The following SESN2 variants were observed in gnomAD, a reference collection of about 807,000 sequenced individuals.
SESN2 encodes sestrin 2, also known as sestrin-2.
A neutral mutation model predicts 56.0 loss-of-function variants in SESN2; 42 were observed. The ratio of observed to expected loss-of-function variants is 0.75; its 90% CI spans 0.59 to 0.97. SESN2 has a LOEUF of 0.97. Among genes scored for constraint, SESN2 ranks in the 50% least tolerant of loss-of-function variants. The pLI, the probability that SESN2 is intolerant of heterozygous loss-of-function variation, is 0.00. For synonymous variants in SESN2, 264 were observed against 267.1 expected, an observed-to-expected ratio of 0.99 and a Z score of 0.11; for missense variants, 507 against 649.4, an observed-to-expected ratio of 0.78 and a Z score of 2.38.
chr1:28,270,332 C>CA (rs1237645927), intron 2 of SESN2, among the ~76,000 whole-genome samples: 1 of 149,138 alleles, frequency 6.7e-6, no homozygotes, highest in Non-Finnish European at 1.5e-5. Flanking sequence ...GCTTGCGTGA[C>CA]AGAGTGAGAC....
chr1:28,278,992 A>T (rs1648141539), intron 8 of SESN2, 105 bp from the exon 9 acceptor site: 2 of 1,144,520 alleles, frequency 1.7e-6, no homozygotes, highest in South Asian at 2.8e-5. Context: ...CTACCTTCTG[A>T]TTTTTCTCAA....
chr1:28,272,074 T>G (rs1647798204), intron 3 of SESN2, among the ~76,000 whole-genome samples: 2 of 152,184 alleles, frequency 1.3e-5, no homozygotes, highest in African/African-American at 4.8e-5. Flanking sequence ...GCATCGTTAG[T>G]GCTTGTGTTA....
chr1:28,270,341 ACTCCG>A (rs1451868087), intron 2 of SESN2, among the ~76,000 whole-genome samples: 1 of 147,202 alleles, frequency 6.8e-6, no homozygotes, highest in African/African-American at 2.5e-5. Flanking sequence ...ACAGAGTGAG[ACTCCG>A]TCTCAAAAAA....
At chr1:28,273,291 G>T in intron 5 of SESN2, 67 bp from the exon 6 acceptor site, 1 of 1,444,810 alleles carries the variant, frequency 6.9e-7, no homozygotes, top group South Asian at 1.4e-5. Context: ...CTCTGGGAAG[G>T]ATGAGTGGAG....
rs570946951 is a variant in SESN2, at chr1:28,272,605, A to G, written c.562A>G (p.Thr188Ala). The G allele has an allele frequency of 1.2e-6, 2 of 1,613,968 alleles. No individual in the cohort carries two copies. The highest frequency in any genetic ancestry group is 1.3e-5 in the African/African-American group (1 of 74,960). ...GGCCTTGCTGAAGACCGGCGAGCACACTTGGTCCCTGGCCGAGCTCATTCA... is the reference window on the plus strand; with the variant it reads ...GGCCTTGCTGAAGACCGGCGAGCACGCTTGGTCCCTGGCCGAGCTCATTCA... ...IQALLKTGEH[T>A]WSLAELIQAL... Residue 188 changes from threonine (T) to alanine (A), a missense_variant, in exon 5 of 10, where the codon ACT becomes GCT. Thr to Ala is a moderately conservative substitution (Grantham distance 58). Coordinates refer to ENST00000253063, the MANE Select transcript of SESN2 (RefSeq NM_031459.5).
chr1:28,267,592 A>G (rs1647600659), intron 1 of SESN2, among the ~76,000 whole-genome samples: 1 of 152,186 alleles, frequency 6.6e-6, no homozygotes. Flanking sequence ...CAGTGAGAGC[A>G]TGGCTCTGAT....
chr1:28,264,081 A>G (rs1032951412), intron 1 of SESN2, among the ~76,000 whole-genome samples: 10 of 150,528 alleles, frequency 6.6e-5, no homozygotes, highest in Admixed American at 4.6e-4. Context: ...AAAAAAAAAA[A>G]GGCCAGGCAC....
intron 1 of SESN2, among the ~76,000 whole-genome samples, chr1:28,268,441 G>T (rs1178183747): frequency 6.6e-6 from 1 of 152,050 alleles, no homozygotes; most frequent in African/African-American, 2.4e-5. Context: ...TGAGGTGGGC[G>T]GATCACCTGA....
chr1:28,273,938 C>T, intron 6 of SESN2, 102 bp from the exon 7 acceptor site: 1 of 780,766 alleles, frequency 1.3e-6, no homozygotes, highest in Non-Finnish European at 2.2e-6. Context: ...CTTTTTTTGG[C>T]CCTCTATTCT....
intron 2 of SESN2, among the ~76,000 whole-genome samples, chr1:28,270,752 A>G (rs977221780): frequency 1.3e-5 from 2 of 152,184 alleles, no homozygotes; most frequent in African/African-American, 4.8e-5. Context: ...TTGTATTAGC[A>G]GAGATGGGGT....
chr1:28,264,852 C>G (rs1244686324), intron 1 of SESN2, among the ~76,000 whole-genome samples: 1 of 152,166 alleles, frequency 6.6e-6, no homozygotes, highest in Admixed American at 6.5e-5. Flanking sequence ...GAACTAGATT[C>G]AGTGTGTGCC....
intron 1 of SESN2, among the ~76,000 whole-genome samples, chr1:28,267,586 G>A (rs535541712): frequency 6.6e-6 from 1 of 152,302 alleles, no homozygotes; most frequent in East Asian, 1.9e-4. Context: ...CCTGTCCAGT[G>A]AGAGCATGGC....
intron 8 of SESN2, among the ~76,000 whole-genome samples, chr1:28,276,689 C>T (rs1398403959): frequency 9.0e-5 from 13 of 144,796 alleles, no homozygotes; most frequent in Admixed American, 5.6e-4. Flanking sequence ...GAGGGATTCT[C>T]CCGCCTCAGC....
In SESN2 at chr1:28,279,115, T is replaced by C. The variant is rs1162292986; in HGVS notation, c.1230T>C (p.Tyr410=). The change falls in exon 9 of 10, where the codon TAT becomes TAC. Residue 410 remains tyrosine, a synonymous_variant. Transcript: ENST00000253063. ...VFGIRYDDYD[Y]GEVNQLLERN... is the part of the protein sequence containing the mutation. ...CATCCAGATATGATGACTATGATTA[T>C]GGGGAGGTGAACCAGCTCCTGGAGC... 2 of 1,614,148 alleles carry C rather than the reference T, an allele frequency of 1.2e-6. No individual in the cohort carries two copies. Among genetic ancestry groups the C allele is most frequent in the Non-Finnish European group, 1.7e-6 (2 of 1,180,002 alleles).
At chr1:28,274,802 C>G (rs1402981024) in intron 7 of SESN2, 23 bp from the exon 8 acceptor site, 1 of 1,588,450 alleles carries the variant, frequency 6.3e-7, no homozygotes, top group East Asian at 2.2e-5. Flanking sequence ...AAAGACTCAC[C>G]AATCCCTTCC....
rs1440357211 is a variant in SESN2 at position 28,259,529 on chromosome 1, CGCG to C, written c.-314_-312del. ...AGAGCCCGGCGAGCGCTGGCAGTTC[CGCG>C]GCGGGGATGCTGAGGAGCGCTGGGT... is the stretch of plus-strand genomic sequence containing the variant. On this transcript the variant is annotated 5_prime_UTR_variant, in exon 1 of 10. Coordinates refer to ENST00000253063, the MANE Select transcript of SESN2 (RefSeq NM_031459.5). The C allele has an allele frequency of 3.5e-6, 1 of 286,922 alleles. No individual in the cohort carries two copies. Among genetic ancestry groups the C allele is most frequent in the Non-Finnish European group, 6.4e-6 (1 of 155,188 alleles). The allele number at this position is 286,922 out of a possible 1,614,324, so 17.8% of individuals were successfully genotyped here.
chr1:28,273,984 T>G lies in SESN2; in HGVS notation c.902-56T>G, dbSNP rs1420757917. The G allele has an allele frequency of 4.4e-6, 5 of 1,143,458 alleles. No individual in the cohort carries two copies. In the African/African-American group the frequency reaches 7.6e-5, roughly 17 times the overall value. 70.8% of individuals were successfully genotyped at this position (1,143,458 alleles called of 1,614,324 possible). On this transcript the variant is annotated intron_variant, in intron 6 of 9. Transcript: ENST00000253063. ...CCCCCTTTTGGTGATTAATCAGGAA[T>G]GGACCCCTGCATGCCCCATGCCTCA...
Position 28,272,679 on chromosome 1 carries a change from T to C in SESN2, c.636T>C (p.Phe212=), listed in dbSNP as rs1647828650. 1 of 1,614,030 alleles carries C rather than the reference T, an allele frequency of 6.2e-7. No homozygotes were observed. Among genetic ancestry groups the C allele is most frequent in the African/African-American group, 1.3e-5 (1 of 74,900 alleles). Residue 212 remains phenylalanine (F), a synonymous_variant, in exon 5 of 10, where the codon TTT becomes TTC. Coordinates refer to ENST00000253063, the MANE Select transcript of SESN2 (RefSeq NM_031459.5). The part of the protein sequence containing the change: ...THCHSLSSFV[F]GCGILPEGDA... ...GCCACTCGCTCTCCTCCTTCGTGTT[T>C]GGCTGTGGCATCCTCCCTGAGGGGG... is the stretch of plus-strand genomic sequence containing the variant.
In SESN2 at chr1:28,272,408, G is replaced by C; in HGVS notation, c.479G>C (p.Ser160Thr). 1 of 1,613,486 alleles carries C rather than the reference G, an allele frequency of 6.2e-7. No homozygotes were observed. Among genetic ancestry groups the C allele is most frequent in the Non-Finnish European group, 8.5e-7 (1 of 1,179,998 alleles). Residue 160 changes from serine (S) to threonine (T), a missense_variant, in exon 4 of 10, where the codon AGC (serine) becomes ACC (threonine). Transcript: ENST00000253063. ...HRAPEKLRKL[S>T]EINKLLAHRP... ...GCCCCCGAGAAGCTGCGCAAACTCA[G>C]CGAGATCAACAAGTTGCTGGCGCAT...
Sources: gnomAD v4.1 joint callset for allele counts (sites outside exome capture counted in the v4.1 genomes callset) on GRCh38, gnomAD v4.1.1 for gene constraint, MANE v1.5 for transcripts, NCBI Gene and HGNC (gene_info 2026-07-23, HGNC 2026-07-21) for gene names.